Variants in TK2 observed in about 807,000 individuals in gnomAD.
The protein encoded by TK2 is thymidine kinase 2.
Under a neutral mutation model 41.9 loss-of-function variants are expected in TK2, and 35 were observed. That is an observed-to-expected ratio of 0.84 (90% confidence interval 0.64 to 1.11). TK2 has a LOEUF of 1.11. Among genes scored for constraint, TK2 ranks in the 50% least tolerant of loss-of-function variants. The pLI is 0.00. For missense variants in TK2, 320 were observed against 351.1 expected, an observed-to-expected ratio of 0.91 and a Z score of 0.71; for synonymous variants, 128 against 129.1, an observed-to-expected ratio of 0.99 and a Z score of 0.06.
At chr16:66,512,134 G>T in intron 9 of TK2, 68 bp from the exon 10 acceptor site, 1 of 1,391,886 alleles carries the variant, frequency 7.2e-7, no homozygotes, top group Non-Finnish European at 1.0e-6. Flanking sequence ...CACAGCTGGA[G>T]ACAGACAGAT....
chr16:66,523,555 A>G (rs930338807), intron 6 of TK2, among the ~76,000 whole-genome samples: 2 of 152,216 alleles, frequency 1.3e-5, no homozygotes, highest in Non-Finnish European at 2.9e-5. Context: ...TTGGCCAGGC[A>G]TGGTGGCTCA....
intron 6 of TK2, among the ~76,000 whole-genome samples, chr16:66,519,240 G>A (rs1256568734): frequency 5.9e-5 from 9 of 152,074 alleles, no homozygotes; most frequent in South Asian, 2.1e-4. Context: ...GTGCAGTGGC[G>A]TGATCTCAGC....
intron 5 of TK2, among the ~76,000 whole-genome samples, chr16:66,530,611 T>G (rs953709533): frequency 6.6e-6 from 1 of 152,162 alleles, no homozygotes; most frequent in Non-Finnish European, 1.5e-5. Context: ...AAACAAAGCA[T>G]GCATTCGAGT....
intron 2 of TK2, among the ~76,000 whole-genome samples, chr16:66,545,737 T>G (rs757958676): frequency 6.6e-6 from 1 of 151,402 alleles, no homozygotes; most frequent in Non-Finnish European, 1.5e-5. Context: ...GGCAGGAAAA[T>G]GGCTTGAACC....
intron 4 of TK2, 104 bp from the exon 5 acceptor site, chr16:66,531,573 G>A (rs542454642): frequency 9.2e-7 from 1 of 1,087,816 alleles, no homozygotes; most frequent in East Asian, 2.5e-5. Flanking sequence ...ACACAGGCAG[G>A]GTTGGGGCTG....
At position 66,537,033 on chromosome 16, in the gene TK2, A is replaced by G; in HGVS notation, c.232-16T>C. ...CCGTTAACACCTGGAAGGAAAGAAA[A>G]CATCAGAGCTACTGTTTCTCTGTGC... On this transcript the variant is annotated splice_polypyrimidine_tract_variant and intron_variant, in intron 3 of 9. Coordinates refer to ENST00000544898, the MANE Select transcript of TK2 (RefSeq NM_004614.5). 6.2e-7 allele frequency: 1 copy of G among 1,613,994 alleles called. No homozygotes were observed. Among genetic ancestry groups the G allele is most frequent in the Admixed American group, 1.7e-5 (1 of 60,010 alleles).
chr16:66,539,185 G>T (rs1247912304), intron 3 of TK2, among the ~76,000 whole-genome samples: 1 of 152,132 alleles, frequency 6.6e-6, no homozygotes, highest in Non-Finnish European at 1.5e-5. Context: ...CAGGACAGGG[G>T]TCAAGAGTCC....
chr16:66,509,054 G>A lies in TK2; in HGVS notation c.*2914C>T, dbSNP rs3743711. ...GCGCTGATGCCAGGTCATGTGACCC[G>A]GTCTATGGGTGGGCACTGCCCTCTT... is the stretch of plus-strand genomic sequence containing the variant. On this transcript the variant is annotated 3_prime_UTR_variant, in exon 10 of 10. Transcript: ENST00000544898. 9,236 of 152,392 alleles carry A rather than the reference G, an allele frequency of 0.061. 387 individuals are homozygous for A. The highest frequency in any genetic ancestry group is 0.18 in the South Asian group (863 of 4,830). The allele number at this position is 152,392 out of a possible 1,614,324, so 9.4% of individuals were successfully genotyped here.
intron 1 of TK2, chr16:66,549,270 GTTAT>G (rs1965706460): frequency 7.7e-7 from 1 of 1,301,462 alleles, no homozygotes; most frequent in South Asian, 1.8e-5. Flanking sequence ...CATTTTCCAC[GTTAT>G]TTATTTAGAT....
At chr16:66,545,483 A>C (rs991828403) in intron 2 of TK2, among the ~76,000 whole-genome samples, 50 of 152,246 alleles carry the variant, frequency 3.3e-4, no homozygotes, top group African/African-American at 1.2e-3. Flanking sequence ...AGCTATAGGA[A>C]AAAATGACAT....
chr16:66,537,068 TA>T (rs759559686), intron 3 of TK2, 51 bp from the exon 4 acceptor site: 2 of 1,602,980 alleles, frequency 1.2e-6, no homozygotes, highest in Admixed American at 3.3e-5. Context: ...CTGAACCCTG[TA>T]AAAGTGTGTA....
chr16:66,537,039 G>T (rs1567536884), intron 3 of TK2, 22 bp from the exon 4 acceptor site: 2 of 1,613,902 alleles, frequency 1.2e-6, no homozygotes, highest in South Asian at 2.2e-5. Flanking sequence ...GAAAACATCA[G>T]AGCTACTGTT....
intron 6 of TK2, among the ~76,000 whole-genome samples, chr16:66,522,219 C>T (rs1364598113): frequency 6.6e-6 from 1 of 152,152 alleles, no homozygotes; most frequent in Admixed American, 6.5e-5. Context: ...AGGAAGGCCA[C>T]AGCTCTTAGG....
At chr16:66,549,713 A>C in intron 1 of TK2, 1 of 1,264,984 alleles carries the variant, frequency 7.9e-7, no homozygotes, top group Non-Finnish European at 9.9e-7. Flanking sequence ...TGCTCTTTAA[A>C]GGCCCTCTCT....
chr16:66,522,723 G>A (rs902938414), intron 6 of TK2, among the ~76,000 whole-genome samples: 5 of 152,072 alleles, frequency 3.3e-5, no homozygotes, highest in Admixed American at 2.0e-4. Context: ...AAAATTAGCC[G>A]GGCGTTGTGG....
intron 3 of TK2, 104 bp downstream of exon 3, chr16:66,541,775 G>C (rs1213188963): frequency 1.6e-6 from 2 of 1,215,286 alleles, no homozygotes; most frequent in African/African-American, 3.0e-5. Flanking sequence ...GCTTGCACTT[G>C]TGGCTCAAAT....
intron 6 of TK2, among the ~76,000 whole-genome samples, chr16:66,524,549 G>C (rs962171923): frequency 1.3e-5 from 2 of 152,072 alleles, no homozygotes; most frequent in African/African-American, 4.8e-5. Flanking sequence ...TGTTGCCCAG[G>C]CTGGTCTCGA....
At chr16:66,539,248 C>G (rs1181629131) in intron 3 of TK2, among the ~76,000 whole-genome samples, 1 of 152,028 alleles carries the variant, frequency 6.6e-6, no homozygotes, top group Non-Finnish European at 1.5e-5. Context: ...TCACAGGACA[C>G]AACACGCAGT....
intron 4 of TK2, 86 bp downstream of exon 4, chr16:66,536,878 G>T: frequency 6.6e-7 from 1 of 1,509,396 alleles, no homozygotes; most frequent in Non-Finnish European, 9.2e-7. Flanking sequence ...GAGAATGCCT[G>T]GGCAGGCAGG....
Sources: allele counts gnomAD v4.1 joint callset (sites outside exome capture counted in the v4.1 genomes callset), GRCh38; gene constraint gnomAD v4.1.1; transcripts MANE v1.5; gene names NCBI Gene and HGNC (gene_info 2026-07-23, HGNC 2026-07-21).